The following VWA2 variants were observed in gnomAD, a reference collection of about 807,000 sequenced individuals.
The protein encoded by VWA2 is von Willebrand factor A domain-containing protein 2.
Under a neutral mutation model 70.4 loss-of-function variants are expected in VWA2, and 73 were observed. The observed-to-expected ratio is 1.04, with a 90% confidence interval of 0.86 to 1.26. The LOEUF (loss-of-function observed/expected upper bound fraction) is 1.26, where lower values mean the gene tolerates loss of function less well. Among genes scored for constraint, VWA2 ranks in the 50% most tolerant of loss-of-function variants. VWA2 has a pLI of 0.00. For missense variants in VWA2, 1,011 were observed against 998.5 expected (o/e 1.01, Z -0.17); for synonymous variants, 407 against 423.3 (o/e 0.96, Z 0.47).
intron 5 of VWA2, among the ~76,000 whole-genome samples, chr10:114,267,598 A>AT (rs1227410084): frequency 0.15 from 20,731 of 136,638 alleles, 1,630 homozygotes; most frequent in African/African-American, 0.2. Context: ...CACCTGGCTA[A>AT]TTTTTTTTTT....
chr10:114,256,363 A>G (rs1007600342), intron 4 of VWA2, among the ~76,000 whole-genome samples: 1 of 152,208 alleles, frequency 6.6e-6, no homozygotes, highest in Non-Finnish European at 1.5e-5. Context: ...GGTGTGTATA[A>G]TATGTTACTT....
chr10:114,286,579 C>T, intron 11 of VWA2, 68 bp downstream of exon 11: 2 of 1,375,890 alleles, frequency 1.5e-6, no homozygotes, highest in Non-Finnish European at 1.9e-6. Context: ...TTGGCCACCA[C>T]CTAACCATCA....
rs1564754128 is a variant in VWA2, at chr10:114,293,057, AG to A, written c.*1823del. Among the ~76,000 whole-genome samples, 1 of 152,212 alleles carries A rather than the reference AG, an allele frequency of 6.6e-6. No homozygotes were observed. Reference sequence around the variant, plus strand: ...ATAATGTTTTATAGACAAACATTCAAGGGTACTTTGGCTTTAAGAACTTCAG... The same window carrying A: ...ATAATGTTTTATAGACAAACATTCAAGGTACTTTGGCTTTAAGAACTTCAG... On this transcript the variant is annotated 3_prime_UTR_variant, in exon 14 of 14. Coordinates refer to ENST00000392982, the MANE Select transcript of VWA2 (RefSeq NM_001272046.2).
chr10:114,249,904 C>T (rs538413313), intron 2 of VWA2, among the ~76,000 whole-genome samples: 4 of 152,304 alleles, frequency 2.6e-5, no homozygotes, highest in African/African-American at 9.6e-5. Flanking sequence ...TGAGTCCCCT[C>T]TACGCCCTCT....
At chr10:114,262,344 G>A (rs2037462430) in intron 5 of VWA2, among the ~76,000 whole-genome samples, 1 of 150,352 alleles carries the variant, frequency 6.7e-6, no homozygotes. Flanking sequence ...AATGTGATAT[G>A]TAAATATATG....
chr10:114,246,076 G>A lies in VWA2; in HGVS notation c.-10-2628G>A, dbSNP rs759392515. On this transcript the variant is annotated intron_variant, in intron 1 of 13. Coordinates refer to ENST00000392982, the MANE Select transcript of VWA2 (RefSeq NM_001272046.2). ...CCTGGACTACCTGCCCCCGCCCCCC[G>A]CCCAAGATGATTGGAGGTCAGATGC... The A allele has an allele frequency of 3.7e-5, 16 of 430,252 alleles. 1 individual carries two copies. Among genetic ancestry groups the A allele is most frequent in the Admixed American group, 1.5e-4 (5 of 32,304 alleles). 26.7% of individuals were successfully genotyped at this position (430,252 alleles called of 1,614,324 possible).
intron 1 of VWA2, among the ~76,000 whole-genome samples, chr10:114,241,704 A>G (rs2036976854): frequency 6.6e-6 from 1 of 152,138 alleles, no homozygotes; most frequent in Non-Finnish European, 1.5e-5. Context: ...AATAATTTTT[A>G]CTGGGTAAAT....
Position 114,286,277 on chromosome 10 carries a change from C to T in VWA2, c.1336C>T (p.Arg446Cys), listed in dbSNP as rs148731211. 3.8e-4 allele frequency: 612 copies of T among 1,610,374 alleles called. 2 individuals carry two copies. Among genetic ancestry groups the T allele is most frequent in the South Asian group, 2.7e-3 (247 of 90,744 alleles). The change falls in exon 11 of 14, where the codon CGT (arginine) becomes TGT (cysteine). Residue 446 changes from arginine (R) to cysteine (C), a missense_variant. Arg to Cys is a radical substitution (Grantham distance 180). Coordinates refer to ENST00000392982, the MANE Select transcript of VWA2 (RefSeq NM_001272046.2). ...SATRTGQDRPRRVVVLLTESH... is the reference protein window; with the variant it reads ...SATRTGQDRPCRVVVLLTESH... The stretch of plus-strand genomic sequence containing the variant: ...CACCAGGACAGGCCAGGACCGGCCA[C>T]GTAGAGTGGTGGTTTTGCTCACTGA...
intron 11 of VWA2, among the ~76,000 whole-genome samples, chr10:114,287,643 C>T (rs2039073332): frequency 6.6e-6 from 1 of 152,176 alleles, no homozygotes; most frequent in South Asian, 2.1e-4. Context: ...CCTGCCCCTC[C>T]AGGCTGGTCT....
chr10:114,248,000 G>A (rs1041894664), intron 1 of VWA2, among the ~76,000 whole-genome samples: 8 of 151,806 alleles, frequency 5.3e-5, no homozygotes, highest in Non-Finnish European at 7.4e-5. Context: ...CCAGCTACTC[G>A]GGAGGCTGAG....
rs74157579 is a variant in VWA2 at position 114,280,555 on chromosome 10, C to G, written c.833+1704C>G. ...GTGGGGGGCAAACTGTGTGCAGGTC[C>G]CTGCAAAGCCCTGTTGGTAGTGTCT... On this transcript the variant is annotated intron_variant, in intron 8 of 13. Coordinates refer to ENST00000392982, the MANE Select transcript of VWA2 (RefSeq NM_001272046.2). Among the ~76,000 whole-genome samples, 1,501 of 152,148 alleles carry G rather than the reference C, an allele frequency of 9.9e-3. 27 individuals carry two copies. Among genetic ancestry groups the G allele is most frequent in the African/African-American group, 0.035 (1,436 of 41,494 alleles).
Position 114,288,960 on chromosome 10 carries a change from C to T in VWA2, c.1593C>T (p.Asp531=), listed in dbSNP as rs1002967042. 21 of 1,611,496 alleles carry T rather than the reference C, an allele frequency of 1.3e-5. 1 individual carries two copies. The African/African-American group carries it at 1.5e-4, about 11-fold the overall frequency. Residue 531 remains aspartate, a synonymous_variant, in exon 12 of 14, where the codon GAC becomes GAT. Transcript: ENST00000392982. The part of the protein sequence containing the change: ...QRPGCRTQAL[D]LVFMLDTSAS... ...CAGGGTGCCGGACACAAGCCCTGGA[C>T]CTCGTCTTCATGTTGGACACCTCTG... is the stretch of plus-strand genomic sequence containing the variant.
chr10:114,273,741 G>A (rs913189760), intron 6 of VWA2, among the ~76,000 whole-genome samples: 4 of 152,190 alleles, frequency 2.6e-5, no homozygotes, highest in African/African-American at 9.7e-5. Context: ...ATCCAGGGTT[G>A]TCTTTCTCAT....
rs2039632956 is a variant in VWA2, at chr10:114,291,867, T to C, written c.*630T>C. ...GGTCTCAGACTGAAATGTGACCAAT[T>C]AACCAGCTTGTTTGATGATGGGGGA... On this transcript the variant is annotated 3_prime_UTR_variant, in exon 14 of 14. Coordinates refer to ENST00000392982, the MANE Select transcript of VWA2 (RefSeq NM_001272046.2). Among the ~76,000 whole-genome samples the C allele has an allele frequency of 6.6e-6, 1 of 152,172 alleles. No homozygotes were observed. The highest frequency in any genetic ancestry group is 1.5e-5 in the Non-Finnish European group (1 of 68,030).
chr10:114,285,699 T>G (rs933189502), intron 10 of VWA2, among the ~76,000 whole-genome samples: 2 of 152,072 alleles, frequency 1.3e-5, no homozygotes, highest in Admixed American at 1.3e-4. Context: ...TGGAAAAAAG[T>G]GATAATGTAG....
chr10:114,257,226 T>C (rs1589746941), intron 4 of VWA2, among the ~76,000 whole-genome samples: 3 of 152,098 alleles, frequency 2.0e-5, no homozygotes, highest in African/African-American at 7.2e-5. Flanking sequence ...TTTCTAACCA[T>C]GATGTTAACC....
chr10:114,284,942 G>T lies in VWA2; in HGVS notation c.969G>T (p.Pro323=). The change falls in exon 10 of 14, where the codon CCG becomes CCT. Residue 323 remains proline, a synonymous_variant. Transcript: ENST00000392982. The part of the protein sequence containing the change: ...EGLDGYQCLC[P]LAFGGEANCA... ...TGGACGGCTACCAGTGCCTCTGCCC[G>T]CTGGCCTTTGGAGGGGAGGCTAACT... 1.2e-6 allele frequency: 2 copies of T among 1,602,578 alleles called. No individual in the cohort carries two copies. Among genetic ancestry groups the T allele is most frequent in the Non-Finnish European group, 1.7e-6 (2 of 1,175,634 alleles).
chr10:114,290,103 A>C, intron 12 of VWA2, 137 bp from the exon 13 acceptor site: 1 of 1,206,460 alleles, frequency 8.3e-7, no homozygotes, highest in Non-Finnish European at 1.1e-6. Context: ...GGTATGCAGC[A>C]CCAACCATGA....
intron 8 of VWA2, among the ~76,000 whole-genome samples, chr10:114,280,478 G>A (rs1470679460): frequency 1.3e-5 from 2 of 152,174 alleles, no homozygotes; most frequent in African/African-American, 2.4e-5. Context: ...AAATGGAGTG[G>A]CCAGGGAGGG....
Sources: allele counts gnomAD v4.1 joint callset (sites outside exome capture counted in the v4.1 genomes callset), GRCh38; gene constraint gnomAD v4.1.1; transcripts MANE v1.5; gene names NCBI Gene and HGNC (gene_info 2026-07-23, HGNC 2026-07-21).